CDC42BPB: variants seen among roughly 807,000 people sequenced by gnomAD.
CDC42BPB encodes the protein CDC42 binding protein kinase beta, also known as serine/threonine-protein kinase MRCK beta.
In CDC42BPB, 37 loss-of-function variants were observed where a neutral mutation model predicts 214.9. The observed-to-expected ratio is 0.17, with a 90% CI of 0.13 to 0.23. CDC42BPB has a LOEUF of 0.23. Among genes scored for constraint, CDC42BPB ranks in the 10% least tolerant of loss-of-function variants. The pLI, the probability that CDC42BPB is intolerant of heterozygous loss-of-function variation, is 1.00. For synonymous variants in CDC42BPB, 931 were observed against 884.0 expected, an observed-to-expected ratio of 1.05 and a Z score of -0.94; for missense variants, 1,694 against 2,227.0, an observed-to-expected ratio of 0.76 and a Z score of 4.82.
At chr14:103,041,395 TAG>T in intron 1 of CDC42BPB, 1 of 572,324 alleles carries the variant, frequency 1.7e-6, no homozygotes, top group Non-Finnish European at 3.0e-6. Flanking sequence ...AATGGATTGT[TAG>T]ATATGACAGC....
intron 6 of CDC42BPB, 169 bp from the exon 7 acceptor site, chr14:102,983,925 C>T (rs1009723251): frequency 5.1e-6 from 5 of 983,902 alleles, no homozygotes; most frequent in African/African-American, 1.7e-5. Context: ...TATAGTGCCT[C>T]GAGCCTGTAG....
rs1352023394 is a variant in CDC42BPB, at chr14:103,001,921, G to A, written c.447+2007C>T. On this transcript the variant is annotated intron_variant, in intron 4 of 36. Transcript: ENST00000361246. The surrounding 1 kb of genome is among the most constrained non-coding windows in gnomAD (Gnocchi z 5.8). ...AGCATGGTCTCTGAGGAAAGCTAAC[G>A]CGGGAGCTCGTGAGGCAGACGGCGG... 6.6e-6 allele frequency among the ~76,000 whole-genome samples: 1 copy of A among 152,196 alleles called. No individual in the cohort carries two copies. The highest frequency in any genetic ancestry group is 2.4e-5 in the African/African-American group (1 of 41,448).
intron 20 of CDC42BPB, 152 bp downstream of exon 20, chr14:102,962,909 G>T: frequency 1.8e-6 from 1 of 542,258 alleles, no homozygotes; most frequent in Non-Finnish European, 3.3e-6. Flanking sequence ...TATATTTGAA[G>T]ATGTTGTTTG....
chr14:102,981,244 A>T, intron 7 of CDC42BPB: 1 of 932,414 alleles, frequency 1.1e-6, no homozygotes, highest in Non-Finnish European at 1.3e-6. Flanking sequence ...ACCACACTGC[A>T]TGTAAATGAC....
At chr14:103,046,804 C>A (rs547212900) in intron 1 of CDC42BPB, among the ~76,000 whole-genome samples, 1 of 152,004 alleles carries the variant, frequency 6.6e-6, no homozygotes, top group African/African-American at 2.4e-5. Flanking sequence ...CAGGCACCTG[C>A]CACCATGCCC....
chr14:102,965,151 C>T (rs1178220687), intron 18 of CDC42BPB, among the ~76,000 whole-genome samples: 1 of 151,980 alleles, frequency 6.6e-6, no homozygotes, highest in Admixed American at 6.5e-5. Flanking sequence ...CCAGGCTAGT[C>T]TCCAACTCCT....
At chr14:103,055,778 G>A (rs888702315) in intron 1 of CDC42BPB, among the ~76,000 whole-genome samples, 2 of 150,814 alleles carry the variant, frequency 1.3e-5, no homozygotes, top group Non-Finnish European at 2.9e-5. Flanking sequence ...TCACCAATCT[G>A]GCAGAGTAGA....
At position 103,012,192 on chromosome 14, in the gene CDC42BPB, C is replaced by T. The variant is rs374146064; in HGVS notation, c.176-4G>A. 6.2e-7 allele frequency: 1 copy of T among 1,608,192 alleles called. No individual in the cohort carries two copies. Among genetic ancestry groups the T allele is most frequent in the Non-Finnish European group, 8.5e-7 (1 of 1,175,192 alleles). ...ACCAGCTGTGTAAATGGTTTAGCTA[C>T]AAGTAAAACAGTAAAACCAACAATT... On this transcript the variant is annotated splice_region_variant and splice_polypyrimidine_tract_variant and intron_variant, in intron 1 of 36. Coordinates refer to ENST00000361246, the MANE Select transcript of CDC42BPB (RefSeq NM_006035.4).
intron 21 of CDC42BPB, among the ~76,000 whole-genome samples, chr14:102,959,063 A>T (rs1302341619): frequency 6.6e-6 from 1 of 151,828 alleles, no homozygotes; most frequent in Non-Finnish European, 1.5e-5. Flanking sequence ...CTGGGAGGCC[A>T]AGGTGGGTGG....
chr14:102,977,168 C>A (rs35625223), intron 9 of CDC42BPB, among the ~76,000 whole-genome samples: 17,599 of 151,818 alleles, frequency 0.12, 1,895 homozygotes, highest in African/African-American at 0.29. Context: ...GTGAAACCCT[C>A]TCTCTACTAA....
intron 1 of CDC42BPB, among the ~76,000 whole-genome samples, chr14:103,054,841 G>C (rs1244940164): frequency 6.6e-6 from 1 of 152,238 alleles, no homozygotes. Flanking sequence ...TTTAGATTTG[G>C]AAAGGCCAGA....
In CDC42BPB at chr14:102,968,687, G is replaced by A. The variant is rs896569427; in HGVS notation, c.2025C>T (p.Ala675=). The change falls in exon 15 of 37, where the codon GCC becomes GCT. Residue 675 remains alanine (A), a synonymous_variant. Coordinates refer to ENST00000361246, the MANE Select transcript of CDC42BPB (RefSeq NM_006035.4). ...KVKQGGRGAG[A]TLEHQQEISK... ...AAATCTCTTGCTGGTGCTCTAAGGT[G>A]GCACCCGCTCCCCGGCCTCCTTGCT... is the stretch of plus-strand genomic sequence containing the variant. 14 of 1,613,918 alleles carry A rather than the reference G, an allele frequency of 8.7e-6. No individual in the cohort carries two copies. Among genetic ancestry groups the A allele is most frequent in the Admixed American group, 1.7e-5 (1 of 59,994 alleles).
Position 102,981,029 on chromosome 14 carries a change from G to A in CDC42BPB, c.892-8C>T. On this transcript the variant is annotated splice_region_variant and splice_polypyrimidine_tract_variant and intron_variant, in intron 7 of 36. Coordinates refer to ENST00000361246, the MANE Select transcript of CDC42BPB (RefSeq NM_006035.4). ...TGGGAACTGGAATCGCTCCTGCAAGGGGTGGCAAAAACACCGGTGGACAGG... is the reference window on the plus strand; with the variant it reads ...TGGGAACTGGAATCGCTCCTGCAAGAGGTGGCAAAAACACCGGTGGACAGG... 6.2e-7 allele frequency: 1 copy of A among 1,613,876 alleles called. No individual in the cohort carries two copies. Among genetic ancestry groups the A allele is most frequent in the Non-Finnish European group, 8.5e-7 (1 of 1,179,890 alleles).
At chr14:102,945,173 C>T (rs544055281) in intron 29 of CDC42BPB, 2 of 452,498 alleles carry the variant, frequency 4.4e-6, no homozygotes, top group Non-Finnish European at 8.9e-6. Flanking sequence ...CTATGGCTCA[C>T]ATGAAATGTC....
At chr14:103,005,062 G>A (rs1197521047) in intron 3 of CDC42BPB, among the ~76,000 whole-genome samples, 1 of 151,734 alleles carries the variant, frequency 6.6e-6, no homozygotes, top group East Asian at 1.9e-4. Context: ...CAGCTACTCG[G>A]GAGGCTGAGG....
At chr14:102,974,935 G>C (rs1460464389) in intron 11 of CDC42BPB, among the ~76,000 whole-genome samples, 1 of 151,814 alleles carries the variant, frequency 6.6e-6, no homozygotes, top group African/African-American at 2.4e-5. Flanking sequence ...GACAGAGTGA[G>C]ACTCCGTCTC....
chr14:102,955,494 C>T (rs1458890276), intron 21 of CDC42BPB, among the ~76,000 whole-genome samples: 2 of 152,158 alleles, frequency 1.3e-5, no homozygotes, highest in East Asian at 1.9e-4. Flanking sequence ...AGAAGAAATT[C>T]GAACATCAAC....
chr14:103,026,870 TAAA>T (rs1036092882), intron 1 of CDC42BPB, among the ~76,000 whole-genome samples: 2 of 132,692 alleles, frequency 1.5e-5, no homozygotes, highest in Non-Finnish European at 3.3e-5. Context: ...TCCGTCTCAT[TAAA>T]AAAAAAAAAA....
intron 17 of CDC42BPB, 47 bp from the exon 18 acceptor site, chr14:102,966,434 G>A: frequency 1.2e-6 from 2 of 1,603,608 alleles, no homozygotes; most frequent in South Asian, 1.1e-5. Flanking sequence ...TGGCTATCAG[G>A]GAGAAGCCAA....
Sources: allele counts gnomAD v4.1 joint callset (sites outside exome capture counted in the v4.1 genomes callset), GRCh38; gene constraint gnomAD v4.1.1; non-coding constraint Gnocchi (gnomAD v3.1); transcripts MANE v1.5; gene names NCBI Gene and HGNC (gene_info 2026-07-23, HGNC 2026-07-21).